The following RGS12 variants were observed in gnomAD, a reference collection of about 807,000 sequenced individuals.
RGS12 encodes the protein regulator of G protein signaling 12.
A neutral mutation model predicts 120.1 loss-of-function variants in RGS12; 66 were observed. That is an observed-to-expected ratio of 0.55 (90% CI 0.45 to 0.67). The LOEUF (loss-of-function observed/expected upper bound fraction) is 0.67. RGS12 is among the 30% of genes least tolerant of loss of function. The pLI is 0.00. For missense variants in RGS12, 1,859 were observed against 1,957.7 expected, an observed-to-expected ratio of 0.95 and a Z score of 0.95; for synonymous variants, 827 against 804.7, an observed-to-expected ratio of 1.03 and a Z score of -0.47.
rs745755260 is a variant in RGS12 at position 3,317,450 on chromosome 4, G to C, written c.1280G>C (p.Gly427Ala). 3.7e-6 allele frequency: 6 copies of C among 1,614,050 alleles called. No homozygotes were observed. The Admixed American group carries it at 1.0e-4, about 27-fold the overall frequency. ...STSSNSDSGIGNFHQEEKSNR... is the reference protein window; with the variant it reads ...STSSNSDSGIANFHQEEKSNR... The stretch of plus-strand genomic sequence containing the variant: ...AGCAGCAACAGTGACAGCGGCATTG[G>C]GAACTTCCACCAGGAGGAGAAGAGC... The change falls in exon 2 of 18, where the codon GGG becomes GCG. Residue 427 changes from glycine to alanine, a missense_variant. Transcript: ENST00000336727.
intron 3 of RGS12, among the ~76,000 whole-genome samples, chr4:3,367,058 C>T (rs1716383926): frequency 6.6e-6 from 1 of 152,228 alleles, no homozygotes; most frequent in African/African-American, 2.4e-5. Context: ...TCCAATCTAG[C>T]CCTGCCCCCC....
At chr4:3,286,351 G>GT in the RGS12 span, among the ~76,000 whole-genome samples, 1 of 152,162 alleles carries the variant, frequency 6.6e-6, no homozygotes, top group African/African-American at 2.4e-5. Context: ...CCATTACTGC[G>GT]TATGCGGTGG....
intron 3 of RGS12, among the ~76,000 whole-genome samples, chr4:3,376,574 C>G (rs1717722577): frequency 6.6e-6 from 1 of 152,264 alleles, no homozygotes; most frequent in Non-Finnish European, 1.5e-5. Flanking sequence ...CACAGACTTG[C>G]AGCTCAGAAG....
chr4:3,363,854 G>C (rs1048118475), intron 3 of RGS12, among the ~76,000 whole-genome samples: 2 of 152,104 alleles, frequency 1.3e-5, no homozygotes, highest in African/African-American at 4.8e-5. Context: ...GAAACCTGAG[G>C]GTGGCCTGGA....
chr4:3,352,947 T>G (rs1578797692), intron 3 of RGS12, among the ~76,000 whole-genome samples: 3 of 152,100 alleles, frequency 2.0e-5, no homozygotes, highest in Admixed American at 2.0e-4. Context: ...GAGTTGTGAG[T>G]TAAAATAATT....
chr4:3,375,337 GC>G (rs1717549056), intron 3 of RGS12, among the ~76,000 whole-genome samples: 2 of 91,850 alleles, frequency 2.2e-5, no homozygotes, highest in Admixed American at 1.4e-4. Flanking sequence ...CTCATCTCCA[GC>G]CCTCATCTCC....
intron 3 of RGS12, among the ~76,000 whole-genome samples, chr4:3,379,788 T>A (rs1319134834): frequency 6.6e-6 from 1 of 152,124 alleles, no homozygotes; most frequent in African/African-American, 2.4e-5. Flanking sequence ...CATGATTCAA[T>A]TACCTCCCAC....
chr4:3,316,154 C>A lies in RGS12; in HGVS notation c.-17C>A. Reference sequence around the variant, plus strand: ...GGGAACAATGAGACGTGCTCTTGGTCTTGGAAGCTCATCAGAATGTTTAGA... The same window carrying A: ...GGGAACAATGAGACGTGCTCTTGGTATTGGAAGCTCATCAGAATGTTTAGA... On this transcript the variant is annotated 5_prime_UTR_variant, in exon 2 of 18. Coordinates refer to ENST00000336727, the MANE Select transcript of RGS12 (RefSeq NM_001394154.1). 6.5e-7 allele frequency: 1 copy of A among 1,527,340 alleles called. No homozygotes were observed. Among genetic ancestry groups the A allele is most frequent in the Non-Finnish European group, 8.8e-7 (1 of 1,138,714 alleles). 94.6% of individuals were successfully genotyped at this position (1,527,340 alleles called of 1,614,324 possible). A position where few individuals can be genotyped will look rare whatever the true frequency, so the allele number is the denominator to read the frequency against.
rs769250321 is a variant in RGS12, at chr4:3,423,566, C to A, written c.3159C>A (p.Thr1053=). 6.2e-7 allele frequency: 1 copy of A among 1,612,962 alleles called. No homozygotes were observed. The highest frequency in any genetic ancestry group is 8.5e-7 in the Non-Finnish European group (1 of 1,179,962). ...NRSVGLKAKP[T]KPVTEVLRPV... is the part of the protein sequence containing the mutation. ...CAGTGGGACTCAAGGCCAAGCCCACCAAGCCCGTCACGGAGGTGCTGCGGC... is the reference window on the plus strand; with the variant it reads ...CAGTGGGACTCAAGGCCAAGCCCACAAAGCCCGTCACGGAGGTGCTGCGGC... The change falls in exon 13 of 18, where the codon ACC becomes ACA. Residue 1053 remains threonine (T), a synonymous_variant. Transcript: ENST00000336727.
chr4:3,351,207 T>TA lies in RGS12; in HGVS notation c.1998+8163dup, dbSNP rs529954288. Among the ~76,000 whole-genome samples, 427 of 151,402 alleles carry TA rather than the reference T, an allele frequency of 2.8e-3. 3 individuals carry two copies. The highest frequency in any genetic ancestry group is 7.1e-3 in the South Asian group (34 of 4,766). On this transcript the variant is annotated intron_variant, in intron 3 of 17. Transcript: ENST00000336727. ...TTAGCTAGGCCTGGCTAAATTGTATTAAAAAAAAACAACAAAATTTTCAGG... is the reference window on the plus strand; with the variant it reads ...TTAGCTAGGCCTGGCTAAATTGTATTAAAAAAAAAACAACAAAATTTTCAGG...
At chr4:3,331,797 A>G (rs1253988480) in intron 2 of RGS12, among the ~76,000 whole-genome samples, 1 of 152,182 alleles carries the variant, frequency 6.6e-6, no homozygotes, top group Non-Finnish European at 1.5e-5. Context: ...CGGCACTCGG[A>G]GTCCACCCAG....
intron 4 of RGS12, among the ~76,000 whole-genome samples, chr4:3,395,037 A>C (rs558078918): frequency 4.1e-4 from 62 of 152,226 alleles, no homozygotes; most frequent in African/African-American, 1.3e-3. Context: ...CAAAACAAAA[A>C]AAAACATTAG....
At chr4:3,289,419 G>T (rs1347458080), upstream of RGS12, among the ~76,000 whole-genome samples, 1 of 152,106 alleles carries the variant, frequency 6.6e-6, no homozygotes, top group Non-Finnish European at 1.5e-5. Context: ...GCCCAGGCTG[G>T]TCTCCAACTC....
chr4:3,390,766 G>A lies in RGS12; in HGVS notation c.2020+4329G>A, dbSNP rs897282512. 6.6e-6 allele frequency among the ~76,000 whole-genome samples: 1 copy of A among 152,248 alleles called. No individual in the cohort carries two copies. The highest frequency in any genetic ancestry group is 1.5e-5 in the Non-Finnish European group (1 of 68,042). On this transcript the variant is annotated intron_variant, in intron 4 of 17. Transcript: ENST00000336727. This position sits in a 1 kb window ranked among gnomAD's most constrained non-coding sequence, Gnocchi z 4.6. ...GTCTTCATCTCGCCGGTCCTTGTTA[G>A]CGAACAGGCACTGAGGCCTGGGGAG...
rs1722507045 is a variant in RGS12, at chr4:3,417,230, T to C, written c.2607+138T>C. ...ACGCTCCATGCTGGAAAGTTCCAGCTGCTGTCTGGAGTCCTGTCAGGGCCA... is the reference window on the plus strand; with the variant it reads ...ACGCTCCATGCTGGAAAGTTCCAGCCGCTGTCTGGAGTCCTGTCAGGGCCA... On this transcript the variant is annotated intron_variant, in intron 8 of 17. Coordinates refer to ENST00000336727, the MANE Select transcript of RGS12 (RefSeq NM_001394154.1). 4.6e-6 allele frequency: 6 copies of C among 1,308,106 alleles called. No homozygotes were observed. In the South Asian group the frequency reaches 7.7e-5, roughly 17 times the overall value. The allele number at this position is 1,308,106 out of a possible 1,614,324, so 81.0% of individuals were successfully genotyped here.
intron 2 of RGS12, chr4:3,342,501 A>G: frequency 1.5e-6 from 2 of 1,290,470 alleles, no homozygotes; most frequent in Non-Finnish European, 2.0e-6. Flanking sequence ...TGCTTACAAA[A>G]TTATGAAAAA....
At chr4:3,315,776 T>G (rs1724697290) in intron 1 of RGS12, among the ~76,000 whole-genome samples, 2 of 152,252 alleles carry the variant, frequency 1.3e-5, no homozygotes, top group African/African-American at 4.8e-5. Context: ...AGGGGCTCTT[T>G]CCATCCAAAC....
intron 4 of RGS12, among the ~76,000 whole-genome samples, chr4:3,397,502 C>T (rs1428762584): frequency 1.3e-5 from 2 of 152,130 alleles, no homozygotes; most frequent in African/African-American, 2.4e-5. Flanking sequence ...GTGCACATGT[C>T]CATGGGAGGA....
intron 3 of RGS12, chr4:3,370,102 A>G (rs1020168487): frequency 1.5e-6 from 2 of 1,374,450 alleles, no homozygotes; most frequent in Non-Finnish European, 1.9e-6. Context: ...AGAGTCTGAA[A>G]CCCTGGCAAG....
Sources: allele counts gnomAD v4.1 joint callset (sites outside exome capture counted in the v4.1 genomes callset), GRCh38; gene constraint gnomAD v4.1.1; non-coding constraint Gnocchi (gnomAD v3.1); transcripts MANE v1.5; gene names NCBI Gene and HGNC (gene_info 2026-07-23, HGNC 2026-07-21).